Variants in CLTC observed in about 807,000 individuals in gnomAD.
CLTC encodes clathrin heavy chain 1.
A neutral mutation model predicts 195.8 loss-of-function variants in CLTC; 16 were observed. The observed-to-expected ratio is 0.08, with a 90% confidence interval of 0.06 to 0.12. The LOEUF (loss-of-function observed/expected upper bound fraction) is 0.12, where lower values mean the gene tolerates loss of function less well. Ranked by LOEUF, CLTC falls within the 10% of genes least tolerant of loss-of-function variation. CLTC has a pLI of 1.00. For synonymous variants in CLTC, 667 were observed against 689.4 expected, an observed-to-expected ratio of 0.97 and a Z score of 0.51; for missense variants, 796 against 2,027.0, an observed-to-expected ratio of 0.39 and a Z score of 11.66.
chr17:59,628,937 C>T (rs760259785), intron 1 of CLTC, among the ~76,000 whole-genome samples: 1 of 152,134 alleles, frequency 6.6e-6, no homozygotes, highest in African/African-American at 2.4e-5. Context: ...GCTGGGATTA[C>T]AGGCGTGAGC....
rs117813867 is a variant in CLTC at position 59,685,114 on chromosome 17, G to A, written c.4493G>A (p.Arg1498His). The change falls in exon 29 of 32, where the codon CGT becomes CAT. Residue 1498 changes from arginine to histidine, a missense_variant. Around this residue, in one of 9 missense-constraint regions of CLTC, gnomAD observed 148 missense variants for 279.5 expected, o/e 0.53. Transcript: ENST00000269122. This position sits in a 1 kb window ranked among gnomAD's most constrained non-coding sequence, Gnocchi z 5.0. The stretch of plus-strand genomic sequence containing the variant: ...TTTGACAATATCTCGCTTGCTCAGC[G>A]TTTGGAAAAACATGAACTCATTGAG... The part of the protein sequence containing the change: ...DNFDNISLAQ[R>H]LEKHELIEFR... The A allele has an allele frequency of 4.8e-4, 766 of 1,609,484 alleles. 2 individuals carry two copies. Among genetic ancestry groups the A allele is most frequent in the Non-Finnish European group, 5.2e-4 (612 of 1,177,020 alleles).
At chr17:59,677,855 T>C (rs1271980536) in intron 17 of CLTC, among the ~76,000 whole-genome samples, 1 of 152,246 alleles carries the variant, frequency 6.6e-6, no homozygotes, top group African/African-American at 2.4e-5. Context: ...TCAAGCAACA[T>C]CAAATTAACC....
intron 17 of CLTC, among the ~76,000 whole-genome samples, chr17:59,678,222 G>T (rs747824669): frequency 6.6e-5 from 10 of 152,152 alleles, no homozygotes; most frequent in Non-Finnish European, 1.5e-4. Context: ...AGCACGCAGT[G>T]TTCATTTGTC....
chr17:59,674,929 A>G lies in CLTC; in HGVS notation c.2561+86A>G, dbSNP rs972502180. 7.1e-6 allele frequency: 9 copies of G among 1,265,300 alleles called. No individual in the cohort carries two copies. In the Admixed American group the frequency reaches 1.3e-4, roughly 18 times the overall value. The allele number at this position is 1,265,300 out of a possible 1,614,324, so 78.4% of individuals were successfully genotyped here. On this transcript the variant is annotated intron_variant, in intron 16 of 31. Coordinates refer to ENST00000269122, the MANE Select transcript of CLTC (RefSeq NM_004859.4). ...ATAGGTAGTCATTTGTTCCAAAGCT[A>G]CTAAATAACACATGGAGAATAATTT...
Position 59,620,183 on chromosome 17 carries a change from GGCCCGGGCTGGTGAGGGCTGT to G in CLTC, c.42+12_42+32del, listed in dbSNP as rs2143420685. ...TCAGGAGCATCTCCAGGTGCGGCCG[GGCCCGGGCTGGTGAGGGCTGT>G]GGAGAAGGTGGTAGGAAGGATGGAA... On this transcript the variant is annotated intron_variant, in intron 1 of 31. Transcript: ENST00000269122. 3 of 1,614,056 alleles carry G rather than the reference GGCCCGGGCTGGTGAGGGCTGT, an allele frequency of 1.9e-6. No homozygotes were observed. Among genetic ancestry groups the G allele is most frequent in the Non-Finnish European group, 2.5e-6 (3 of 1,179,952 alleles).
chr17:59,670,466 CCA>C (rs1275861314), intron 14 of CLTC, among the ~76,000 whole-genome samples: 2 of 151,948 alleles, frequency 1.3e-5, no homozygotes, highest in African/African-American at 4.8e-5. Flanking sequence ...TCAGTAGGCC[CCA>C]GTGTCTGTTG....
chr17:59,631,907 T>C (rs895456478), intron 1 of CLTC, among the ~76,000 whole-genome samples: 2 of 150,596 alleles, frequency 1.3e-5, no homozygotes, highest in African/African-American at 4.9e-5. Flanking sequence ...GAAGTGGAGG[T>C]TGCAGTAGGC....
chr17:59,645,371 C>G (rs2032162801), intron 2 of CLTC, among the ~76,000 whole-genome samples: 1 of 152,046 alleles, frequency 6.6e-6, no homozygotes, highest in Admixed American at 6.5e-5. Context: ...TTTTAATTGT[C>G]CCAACAAGGG....
chr17:59,645,876 T>C (rs972760666), intron 2 of CLTC: 1 of 160,370 alleles, frequency 6.2e-6, no homozygotes, highest in Non-Finnish European at 1.3e-5. Flanking sequence ...TCAGACTCTT[T>C]AAAGAATTTA....
At chr17:59,661,269 A>C (rs560758573) in intron 7 of CLTC, among the ~76,000 whole-genome samples, 174 bp from the exon 8 acceptor site, 58 of 152,292 alleles carry the variant, frequency 3.8e-4, no homozygotes, top group Middle Eastern at 6.8e-3. Context: ...CAGATGGTAA[A>C]GATTTGAAAC....
intron 15 of CLTC, 78 bp from the exon 16 acceptor site, chr17:59,674,623 T>C: frequency 7.6e-7 from 1 of 1,313,850 alleles, no homozygotes; most frequent in Non-Finnish European, 1.0e-6. Context: ...TTAAAAGCGA[T>C]AGAGATAAAT....
At chr17:59,676,321 G>C (rs762264178) in intron 16 of CLTC, among the ~76,000 whole-genome samples, 1 of 152,216 alleles carries the variant, frequency 6.6e-6, no homozygotes, top group Non-Finnish European at 1.5e-5. Context: ...AGCTTCTAAA[G>C]CTATCAGATT....
At chr17:59,674,196 G>A (rs980119156) in intron 15 of CLTC, among the ~76,000 whole-genome samples, 2 of 152,018 alleles carry the variant, frequency 1.3e-5, no homozygotes, top group Admixed American at 1.3e-4. Context: ...GAATAGAACT[G>A]CTATTATTGA....
chr17:59,650,424 C>T (rs2032299923), intron 4 of CLTC, among the ~76,000 whole-genome samples: 1 of 148,394 alleles, frequency 6.7e-6, no homozygotes, highest in Non-Finnish European at 1.5e-5. Flanking sequence ...TATTACCCTT[C>T]TATACCATTT....
intron 5 of CLTC, among the ~76,000 whole-genome samples, chr17:59,653,103 C>T (rs2032368244): frequency 6.6e-6 from 1 of 152,094 alleles, no homozygotes; most frequent in Non-Finnish European, 1.5e-5. Flanking sequence ...GAGTTAGGGC[C>T]TTAAACTAGA....
intron 1 of CLTC, among the ~76,000 whole-genome samples, chr17:59,623,570 A>T (rs2031451799): frequency 6.6e-6 from 1 of 152,224 alleles, no homozygotes; most frequent in Non-Finnish European, 1.5e-5. Context: ...TTGCTCTTGA[A>T]CAATTGTTTC....
At position 59,694,485 on chromosome 17, in the gene CLTC, G is replaced by GT; in HGVS notation, c.*634dup. The stretch of plus-strand genomic sequence containing the variant: ...CCCATTATGCATATAGAAAATGCTA[G>GT]TATGTTTTGCTCACTTCATATGTAA... On this transcript the variant is annotated 3_prime_UTR_variant, in exon 32 of 32. Transcript: ENST00000269122. 4.4e-6 allele frequency: 1 copy of GT among 226,058 alleles called. No individual in the cohort carries two copies. Among genetic ancestry groups the GT allele is most frequent in the Non-Finnish European group, 8.8e-6 (1 of 113,308 alleles). 14.0% of individuals were successfully genotyped at this position (226,058 alleles called of 1,614,324 possible).
intron 1 of CLTC, among the ~76,000 whole-genome samples, chr17:59,627,458 T>A (rs2031585478): frequency 6.6e-6 from 1 of 152,234 alleles, no homozygotes; most frequent in African/African-American, 2.4e-5. Context: ...GCAGTCAGAC[T>A]TTTAATATTT....
chr17:59,663,968 C>G lies in CLTC; in HGVS notation c.1495C>G (p.Gln499Glu). The G allele has an allele frequency of 6.2e-7, 1 of 1,613,318 alleles. No homozygotes were observed. Residue 499 changes from glutamine (Q) to glutamate (E), a missense_variant, in exon 9 of 32, where the codon CAA becomes GAA. Around this residue, in one of 9 missense-constraint regions of CLTC, gnomAD observed 293 missense variants for 795.6 expected, o/e 0.37. Coordinates refer to ENST00000269122, the MANE Select transcript of CLTC (RefSeq NM_004859.4). ...GTGCTTTGCAGAAACAGGTCAAGTC[C>G]AAAAGATTGTTTTATATGCTAAAAA... ...IQCFAETGQVQKIVLYAKKVG... is the reference protein window; with the variant it reads ...IQCFAETGQVEKIVLYAKKVG...
Sources: allele counts gnomAD v4.1 joint callset (sites outside exome capture counted in the v4.1 genomes callset), GRCh38; gene constraint gnomAD v4.1.1; regional missense constraint gnomAD v4.1.1; non-coding constraint Gnocchi (gnomAD v3.1); transcripts MANE v1.5; gene names NCBI Gene and HGNC (gene_info 2026-07-23, HGNC 2026-07-21).